Variants in ARHGAP5 observed in about 807,000 individuals in gnomAD.
ARHGAP5 encodes rho GTPase-activating protein 5.
Under a neutral mutation model 116.6 loss-of-function variants are expected in ARHGAP5, and 23 were observed. The ratio of observed to expected loss-of-function variants is 0.20; its 90% CI spans 0.14 to 0.28. The LOEUF (loss-of-function observed/expected upper bound fraction) is 0.28, where lower values mean the gene tolerates loss of function less well. Among genes scored for constraint, ARHGAP5 ranks in the 10% least tolerant of loss-of-function variants. ARHGAP5 has a pLI of 1.00. For synonymous variants in ARHGAP5, 574 were observed against 602.0 expected (o/e 0.95, Z 0.68); for missense variants, 1,405 against 1,774.8 (o/e 0.79, Z 3.74).
At chr14:32,117,940 A>G (rs914747808) in intron 3 of ARHGAP5, among the ~76,000 whole-genome samples, 43 of 152,044 alleles carry the variant, frequency 2.8e-4, no homozygotes, top group African/African-American at 1.0e-3. Context: ...TGCATTTAAA[A>G]TGAACACGAG....
chr14:32,093,744 A>G lies in ARHGAP5; in HGVS notation c.3075A>G (p.Pro1025=). The part of the protein sequence containing the change: ...EGNEYPIHST[P]NCHDHERNHK... ...ATGAGTATCCTATTCATAGTACCCC[A>G]AACTGTCATGACCATGAACGCAACC... Residue 1025 remains proline (P), a synonymous_variant, in exon 2 of 7, where the codon CCA becomes CCG. Coordinates refer to ENST00000345122, the MANE Select transcript of ARHGAP5 (RefSeq NM_001030055.2). The G allele has an allele frequency of 6.2e-7, 1 of 1,614,134 alleles. No homozygotes were observed. Among genetic ancestry groups the G allele is most frequent in the Middle Eastern group, 1.6e-4 (1 of 6,062 alleles).
At chr14:32,083,762 T>C (rs552297207) in intron 1 of ARHGAP5, among the ~76,000 whole-genome samples, 41 of 152,304 alleles carry the variant, frequency 2.7e-4, no homozygotes, top group African/African-American at 9.9e-4. Flanking sequence ...TGACGGTTCC[T>C]CTACTATATG....
rs1881904433 is a variant in ARHGAP5, at chr14:32,156,622, C to G, written c.*1674C>G. 1 of 152,112 alleles carries G rather than the reference C, an allele frequency of 6.6e-6. No homozygotes were observed. The highest frequency in any genetic ancestry group is 1.5e-5 in the Non-Finnish European group (1 of 67,746). The allele number at this position is 152,112 out of a possible 1,614,324, so 9.4% of individuals were successfully genotyped here. ...AAAGCACACAGGAATTAAGAAAGTA[C>G]AGTAATTTTTAAAAAAAAATCCGGT... On this transcript the variant is annotated 3_prime_UTR_variant, in exon 7 of 7. Coordinates refer to ENST00000345122, the MANE Select transcript of ARHGAP5 (RefSeq NM_001030055.2).
Position 32,149,865 on chromosome 14 carries a change from TATTATATAATTTAA to T in ARHGAP5, c.3944-35_3944-22del, listed in dbSNP as rs1566685699. On this transcript the variant is annotated intron_variant, in intron 4 of 6. Transcript: ENST00000345122. ...TTAGCTTGCTTCTATAATAAAGTTT[TATTATATAATTTAA>T]AATGTTAATTTTTGTCTTGTAGATC... The T allele has an allele frequency of 7.1e-6, 9 of 1,265,744 alleles. No homozygotes were observed. In the Admixed American group the frequency reaches 2.8e-4, roughly 39 times the overall value. The allele number at this position is 1,265,744 out of a possible 1,614,324, so 78.4% of individuals were successfully genotyped here.
intron 4 of ARHGAP5, among the ~76,000 whole-genome samples, chr14:32,146,706 T>A (rs1055429241): frequency 1.3e-5 from 2 of 152,086 alleles, no homozygotes; most frequent in Non-Finnish European, 2.9e-5. Context: ...AAATACAATA[T>A]TGTATAAATT....
chr14:32,112,571 G>T (rs1298895653), intron 2 of ARHGAP5, among the ~76,000 whole-genome samples: 1 of 152,160 alleles, frequency 6.6e-6, no homozygotes, highest in Non-Finnish European at 1.5e-5. Context: ...ATGTAGTAAT[G>T]AATCAAAAAT....
At chr14:32,098,954 G>T (rs1254562002) in intron 2 of ARHGAP5, among the ~76,000 whole-genome samples, 1 of 152,176 alleles carries the variant, frequency 6.6e-6, no homozygotes, top group African/African-American at 2.4e-5. Flanking sequence ...GGTTGAGTGA[G>T]GGCTAGAGAG....
intron 2 of ARHGAP5, among the ~76,000 whole-genome samples, chr14:32,095,401 G>GTTTTTTTTTTTTTTTTTTT: frequency 8.3e-6 from 1 of 121,018 alleles, no homozygotes. Context: ...TGTAAACTTT[G>GTTTTTTTTTTTTTTTTTTT]TTTTTTTTTT....
At chr14:32,147,626 T>C (rs991248475) in intron 4 of ARHGAP5, among the ~76,000 whole-genome samples, 4 of 152,204 alleles carry the variant, frequency 2.6e-5, no homozygotes, top group African/African-American at 9.6e-5. Flanking sequence ...TGCCAAGATA[T>C]ACTTACAAGG....
chr14:32,153,405 TCAAAAAAAAAAAAAAAAAAAA>T (rs1286441427), intron 6 of ARHGAP5, among the ~76,000 whole-genome samples: 1 of 18,184 alleles, frequency 5.5e-5, no homozygotes, highest in African/African-American at 2.1e-4. Flanking sequence ...AGACTCTGTC[TCAAAAAAAAAAAAAAAAAAAA>T]AAAAAAAAAA....
At chr14:32,109,858 C>T (rs1278454457) in intron 2 of ARHGAP5, among the ~76,000 whole-genome samples, 1 of 152,138 alleles carries the variant, frequency 6.6e-6, no homozygotes, top group Non-Finnish European at 1.5e-5. Context: ...CTTCTGGCTT[C>T]CAGTTTTCCG....
intron 3 of ARHGAP5, among the ~76,000 whole-genome samples, chr14:32,127,320 A>G (rs1425445288): frequency 2.0e-5 from 3 of 152,160 alleles, no homozygotes; most frequent in East Asian, 3.8e-4. Context: ...AGGACCCTGC[A>G]GCCTTCGGCA....
intron 3 of ARHGAP5, among the ~76,000 whole-genome samples, chr14:32,125,991 C>T (rs1594374851): frequency 6.6e-6 from 1 of 152,054 alleles, no homozygotes; most frequent in Non-Finnish European, 1.5e-5. Flanking sequence ...ATTATTAGCT[C>T]TATTTTTTGT....
chr14:32,084,444 A>G (rs1415314137), intron 1 of ARHGAP5, among the ~76,000 whole-genome samples: 1 of 152,204 alleles, frequency 6.6e-6, no homozygotes, highest in Non-Finnish European at 1.5e-5. Flanking sequence ...AAAGCAGTAC[A>G]TAATTTTTGT....
intron 3 of ARHGAP5, among the ~76,000 whole-genome samples, chr14:32,126,285 A>G (rs1880150358): frequency 6.6e-6 from 1 of 152,014 alleles, no homozygotes; most frequent in Non-Finnish European, 1.5e-5. Context: ...AGAAGTCTGA[A>G]AGCAAGGTGT....
intron 3 of ARHGAP5, among the ~76,000 whole-genome samples, chr14:32,123,078 A>T (rs1303392563): frequency 6.6e-6 from 1 of 151,904 alleles, no homozygotes; most frequent in Non-Finnish European, 1.5e-5. Flanking sequence ...TCTGAATGGG[A>T]TGTATTCTCT....
In ARHGAP5 at chr14:32,092,032, T is replaced by A; in HGVS notation, c.1363T>A (p.Cys455Ser). 6.2e-7 allele frequency: 1 copy of A among 1,613,734 alleles called. No homozygotes were observed. The highest frequency in any genetic ancestry group is 1.1e-5 in the South Asian group (1 of 91,060). ...AGGGCAGCCATGGGAGGAAGTTATG[T>A]GCTTTGTTATGGAGGATGAAGCCTA... Reference protein sequence around the residue: ...SPGQPWEEVMCFVMEDEAYKY... With the variant: ...SPGQPWEEVMSFVMEDEAYKY... The change falls in exon 2 of 7, where the codon TGC becomes AGC. Residue 455 changes from cysteine (C) to serine (S), a missense_variant. By Grantham distance (112) the Cys-to-Ser change is moderately radical. Transcript: ENST00000345122. This position sits in a 1 kb window ranked among gnomAD's most constrained non-coding sequence, Gnocchi z 4.1.
chr14:32,095,537 C>T (rs1594349915), intron 2 of ARHGAP5, among the ~76,000 whole-genome samples: 1 of 151,898 alleles, frequency 6.6e-6, no homozygotes, highest in East Asian at 1.9e-4. Flanking sequence ...CTCAGCCTTC[C>T]TGAGTAGCTG....
chr14:32,100,438 G>A (rs1390669691), intron 2 of ARHGAP5, among the ~76,000 whole-genome samples: 2 of 152,046 alleles, frequency 1.3e-5, no homozygotes, highest in Non-Finnish European at 2.9e-5. Flanking sequence ...GCCTCAAGCC[G>A]TCCTCTACCT....
Sources: gnomAD v4.1 joint callset for allele counts (sites outside exome capture counted in the v4.1 genomes callset) on GRCh38, gnomAD v4.1.1 for gene constraint, Gnocchi (gnomAD v3.1) non-coding constraint, MANE v1.5 for transcripts, NCBI Gene and HGNC (gene_info 2026-07-23, HGNC 2026-07-21) for gene names.